The following AFG2A variants were observed in gnomAD, a reference collection of about 807,000 sequenced individuals.
The protein encoded by AFG2A is ATPase family gene 2 protein homolog A.
the AFG2A span, among the ~76,000 whole-genome samples, chr4:123,275,491 T>G: frequency 6.6e-6 from 1 of 152,156 alleles, no homozygotes. Context: ...TTTTCCTTTT[T>G]TTAATTTAAC....
chr4:123,184,426 T>G, the AFG2A span, among the ~76,000 whole-genome samples: 3 of 152,042 alleles, frequency 2.0e-5, no homozygotes, highest in Non-Finnish European at 4.4e-5. Context: ...CTGTCCGACT[T>G]AAGAAGAAAA....
chr4:123,071,595 A>C, the AFG2A span, among the ~76,000 whole-genome samples: 2 of 152,174 alleles, frequency 1.3e-5, no homozygotes, highest in African/African-American at 4.8e-5. Context: ...CTGGGAAATC[A>C]TGGCAAGATG....
At chr4:123,207,609 G>A in the AFG2A span, among the ~76,000 whole-genome samples, 7 of 152,216 alleles carry the variant, frequency 4.6e-5, no homozygotes, top group South Asian at 1.2e-3. Flanking sequence ...GAGCCACCAC[G>A]CCTAGCCCAG....
chr4:123,210,117 A>T, the AFG2A span, among the ~76,000 whole-genome samples: 3 of 152,188 alleles, frequency 2.0e-5, no homozygotes. Context: ...TAAAAATTGT[A>T]TATATTTATG....
the AFG2A span, among the ~76,000 whole-genome samples, chr4:122,930,560 A>G: frequency 9.5e-4 from 145 of 152,328 alleles, no homozygotes; most frequent in African/African-American, 3.4e-3. Context: ...GGGACAGGAG[A>G]CAATATGTTG....
At chr4:123,259,409 G>C in the AFG2A span, among the ~76,000 whole-genome samples, 1 of 152,158 alleles carries the variant, frequency 6.6e-6, no homozygotes, top group Non-Finnish European at 1.5e-5. Flanking sequence ...CCAGCTGGAA[G>C]GGGAATACAG....
At chr4:123,294,990 T>C in the AFG2A span, among the ~76,000 whole-genome samples, 4 of 152,208 alleles carry the variant, frequency 2.6e-5, no homozygotes, top group African/African-American at 9.6e-5. Context: ...AATTTTCCTA[T>C]TATCACTTCC....
the AFG2A span, among the ~76,000 whole-genome samples, chr4:123,036,018 ATGAAATTTAGAGG>A: frequency 7.2e-5 from 11 of 152,256 alleles, no homozygotes; most frequent in African/African-American, 2.4e-4. Flanking sequence ...TCCTTTTTGA[ATGAAATTTAGAGG>A]TGAAATAAAT....
chr4:122,960,666 T>G, the AFG2A span, among the ~76,000 whole-genome samples: 3 of 152,184 alleles, frequency 2.0e-5, no homozygotes, highest in Admixed American at 1.3e-4. Flanking sequence ...ATTTAAATAA[T>G]TATTTTGTTA....
the AFG2A span, among the ~76,000 whole-genome samples, chr4:122,982,765 C>G: frequency 6.6e-6 from 1 of 151,608 alleles, no homozygotes; most frequent in South Asian, 2.1e-4. Flanking sequence ...AAATTGTTGC[C>G]ATGTAATTGT....
the AFG2A span, among the ~76,000 whole-genome samples, chr4:123,012,536 A>G: frequency 6.6e-6 from 1 of 152,112 alleles, no homozygotes; most frequent in Non-Finnish European, 1.5e-5. Context: ...CCCTGCGGTG[A>G]TCAGACACCA....
chr4:123,035,990 TTTTC>T, the AFG2A span, among the ~76,000 whole-genome samples: 10 of 152,188 alleles, frequency 6.6e-5, no homozygotes, highest in East Asian at 1.9e-4. Flanking sequence ...GAAACTAGTT[TTTTC>T]TTTCTATCTC....
the AFG2A span, among the ~76,000 whole-genome samples, chr4:123,030,969 C>A: frequency 6.6e-6 from 1 of 152,064 alleles, no homozygotes; most frequent in East Asian, 1.9e-4. Flanking sequence ...GTTCAACTCT[C>A]CTATAGGTTT....
the AFG2A span, among the ~76,000 whole-genome samples, chr4:123,033,898 T>G: frequency 6.6e-6 from 1 of 152,150 alleles, no homozygotes; most frequent in African/African-American, 2.4e-5. Flanking sequence ...GGGGCATAAC[T>G]CCCCACTCCT....
the AFG2A span, among the ~76,000 whole-genome samples, chr4:123,000,657 C>A: frequency 1.1e-5 from 1 of 89,174 alleles, no homozygotes; most frequent in Non-Finnish European, 2.6e-5. Flanking sequence ...ATGAAGCCCA[C>A]TTGATCATGG....
chr4:123,125,677 C>T, the AFG2A span, among the ~76,000 whole-genome samples: 2 of 152,156 alleles, frequency 1.3e-5, no homozygotes, highest in African/African-American at 4.8e-5. Context: ...GATGACATGA[C>T]ACTTTTCCCT....
chr4:123,201,431 A>T, the AFG2A span, among the ~76,000 whole-genome samples: 2 of 152,222 alleles, frequency 1.3e-5, no homozygotes, highest in Non-Finnish European at 2.9e-5. Flanking sequence ...TTTGATTGAA[A>T]ACAAACTGTT....
At chr4:123,303,711 T>A in the AFG2A span, among the ~76,000 whole-genome samples, 1 of 152,138 alleles carries the variant, frequency 6.6e-6, no homozygotes, top group South Asian at 2.1e-4. Flanking sequence ...CAGTGACCCA[T>A]GTTCAAACTA....
chr4:123,206,655 G>T, the AFG2A span, among the ~76,000 whole-genome samples: 4 of 152,214 alleles, frequency 2.6e-5, no homozygotes, highest in Non-Finnish European at 5.9e-5. Context: ...TTTTCCTTTC[G>T]ATCCAGTGTC....
Sources: gnomAD v4.1 joint callset for allele counts (sites outside exome capture counted in the v4.1 genomes callset) on GRCh38, gnomAD v4.1.1 for gene constraint, MANE v1.5 for transcripts, NCBI Gene and HGNC (gene_info 2026-07-23, HGNC 2026-07-21) for gene names.